SMIM21: variants seen among roughly 807,000 people sequenced by gnomAD.
SMIM21 encodes small integral membrane protein 21.
A neutral mutation model predicts 8.6 loss-of-function variants in SMIM21; 8 were observed. That is an observed-to-expected ratio of 0.93 (90% CI 0.55 to 1.68). The LOEUF (loss-of-function observed/expected upper bound fraction) is 1.68, where lower values mean the gene tolerates loss of function less well. Ranked by LOEUF, SMIM21 falls within the 40% of genes most tolerant of loss-of-function variation. The pLI, the probability that SMIM21 is intolerant of heterozygous loss-of-function variation, is 0.00. For missense variants in SMIM21, 132 were observed against 123.0 expected, an observed-to-expected ratio of 1.07 and a Z score of -0.35; for synonymous variants, 43 against 41.7, an observed-to-expected ratio of 1.03 and a Z score of -0.12.
At chr18:75,425,433 T>C (rs755331484) in intron 1 of SMIM21, among the ~76,000 whole-genome samples, 3 of 152,246 alleles carry the variant, frequency 2.0e-5, no homozygotes, top group Admixed American at 6.5e-5. Context: ...GAATTCCTTA[T>C]AGTTTCATGC....
intron 1 of SMIM21, 49 bp downstream of exon 1, chr18:75,427,386 C>T (rs766850832): frequency 6.3e-7 from 1 of 1,590,618 alleles, no homozygotes; most frequent in South Asian, 1.2e-5. Context: ...CATACCTGTG[C>T]AGTGATACGT....
At chr18:75,424,470 G>C (rs1414247044) in intron 1 of SMIM21, among the ~76,000 whole-genome samples, 2 of 152,172 alleles carry the variant, frequency 1.3e-5, no homozygotes, top group Non-Finnish European at 1.5e-5. Context: ...GCACTTGGGA[G>C]TTTCACACTA....
chr18:75,413,769 T>C (rs536528074), intron 2 of SMIM21, among the ~76,000 whole-genome samples: 183 of 152,318 alleles, frequency 1.2e-3, no homozygotes, highest in African/African-American at 4.1e-3. Context: ...CATCCTTGCT[T>C]GACTTAGGAT....
intron 2 of SMIM21, chr18:75,416,603 A>G (rs1015918802): frequency 5.9e-5 from 9 of 152,090 alleles, no homozygotes; most frequent in Non-Finnish European, 1.2e-4. Context: ...TTTGGATTTT[A>G]TTTTTACATT....
At chr18:75,422,581 G>A (rs190383177) in intron 1 of SMIM21, among the ~76,000 whole-genome samples, 17 of 152,274 alleles carry the variant, frequency 1.1e-4, no homozygotes, top group African/African-American at 3.4e-4. Flanking sequence ...ATCAAGTGAT[G>A]AATGGATATA....
At chr18:75,420,848 C>A (rs1410178797) in intron 1 of SMIM21, among the ~76,000 whole-genome samples, 1 of 152,144 alleles carries the variant, frequency 6.6e-6, no homozygotes, top group African/African-American at 2.4e-5. Flanking sequence ...GATCCTCGGG[C>A]CCTGTCTGGA....
At chr18:75,417,542 C>T (rs1386957751) in intron 2 of SMIM21, 4 of 152,140 alleles carry the variant, frequency 2.6e-5, no homozygotes, top group Admixed American at 2.6e-4. Flanking sequence ...AATAAACTCC[C>T]TATAGTAAGC....
chr18:75,424,647 C>G (rs2024742975), intron 1 of SMIM21, among the ~76,000 whole-genome samples: 1 of 152,192 alleles, frequency 6.6e-6, no homozygotes, highest in African/African-American at 2.4e-5. Flanking sequence ...ATCATTGTGA[C>G]AAGGGATGAA....
At chr18:75,426,564 C>A (rs990761103) in intron 1 of SMIM21, among the ~76,000 whole-genome samples, 1 of 149,114 alleles carries the variant, frequency 6.7e-6, no homozygotes, top group Admixed American at 6.7e-5. Flanking sequence ...TCGCCTCGGC[C>A]TCCCAAAGTG....
intron 1 of SMIM21, among the ~76,000 whole-genome samples, chr18:75,420,976 G>A (rs889604266): frequency 1.3e-5 from 2 of 152,124 alleles, no homozygotes; most frequent in African/African-American, 2.4e-5. Flanking sequence ...CATTCTTAAC[G>A]GGAATCCTAA....
chr18:75,418,024 T>G, intron 2 of SMIM21: 1 of 392,844 alleles, frequency 2.5e-6, no homozygotes. Flanking sequence ...GTGAGGACTG[T>G]GAACATCTCC....
intron 1 of SMIM21, 92 bp downstream of exon 1, chr18:75,427,343 A>G (rs1385576133): frequency 1.5e-6 from 2 of 1,359,844 alleles, no homozygotes; most frequent in African/African-American, 2.9e-5. Context: ...GAGCACTCAC[A>G]GGAGATTGGG....
intron 2 of SMIM21, among the ~76,000 whole-genome samples, chr18:75,414,334 C>T (rs765092035): frequency 3.3e-5 from 5 of 152,140 alleles, no homozygotes; most frequent in Non-Finnish European, 7.3e-5. Flanking sequence ...TTATTGTGCA[C>T]TTACTACATG....
rs1045757382 is a variant in SMIM21, at chr18:75,409,842, T to A, written c.*1022A>T. ...TGGATTTGCCCTTTGGTCGTCAGGC[T>A]GCACTGTGAGTTCTGAATCCCTGGC... On this transcript the variant is annotated 3_prime_UTR_variant, in exon 3 of 3. Coordinates refer to ENST00000579022, the MANE Select transcript of SMIM21 (RefSeq NM_001037331.3). 29 of 152,636 alleles carry A rather than the reference T, an allele frequency of 1.9e-4. No homozygotes were observed. Among genetic ancestry groups the A allele is most frequent in the African/African-American group, 7.0e-4 (29 of 41,588 alleles). The allele number at this position is 152,636 out of a possible 1,614,324, so 9.5% of individuals were successfully genotyped here. A position where few individuals can be genotyped will look rare whatever the true frequency, so the allele number is the denominator to read the frequency against.
intron 1 of SMIM21, among the ~76,000 whole-genome samples, chr18:75,423,260 C>T (rs2024728459): frequency 6.6e-6 from 1 of 152,170 alleles, no homozygotes; most frequent in African/African-American, 2.4e-5. Context: ...CCTTGCACCT[C>T]TGCAATCTCA....
intron 2 of SMIM21, among the ~76,000 whole-genome samples, chr18:75,415,019 C>T (rs888310236): frequency 2.0e-5 from 3 of 152,202 alleles, no homozygotes; most frequent in African/African-American, 7.2e-5. Flanking sequence ...TCAAGATTCC[C>T]TGGGACTTTC....
intron 2 of SMIM21, chr18:75,418,084 G>T (rs770444690): frequency 1.8e-5 from 7 of 397,390 alleles, no homozygotes; most frequent in Non-Finnish European, 3.1e-5. Context: ...TCTGAAACTT[G>T]GCTGCTCATG....
At chr18:75,414,468 A>C (rs1276323406) in intron 2 of SMIM21, among the ~76,000 whole-genome samples, 1 of 152,148 alleles carries the variant, frequency 6.6e-6, no homozygotes, top group East Asian at 1.9e-4. Flanking sequence ...CCCACTCCAC[A>C]TATCAGAGGA....
chr18:75,427,459 C>A lies in SMIM21; in HGVS notation c.105G>T (p.Leu35Phe), dbSNP rs745449933. ...CTGTGGTAAGTGCTTTCTTCTGCAGCAAATTCCCCTTGAATATCCGTCCCA... is the reference window on the plus strand; with the variant it reads ...CTGTGGTAAGTGCTTTCTTCTGCAGAAAATTCCCCTTGAATATCCGTCCCA... ...AGMGRIFKGN[L>F]LQKKALTTFE... The change falls in exon 1 of 3, where the codon TTG (leucine) becomes TTT (phenylalanine). Residue 35 changes from leucine to phenylalanine, a missense_variant. By Grantham distance (22) the Leu-to-Phe change is conservative. Coordinates refer to ENST00000579022, the MANE Select transcript of SMIM21 (RefSeq NM_001037331.3). The A allele has an allele frequency of 1.9e-6, 3 of 1,614,070 alleles. No homozygotes were observed. The South Asian group carries it at 3.3e-5, about 18-fold the overall frequency.
Sources: allele counts gnomAD v4.1 joint callset (sites outside exome capture counted in the v4.1 genomes callset), GRCh38; gene constraint gnomAD v4.1.1; transcripts MANE v1.5; gene names NCBI Gene and HGNC (gene_info 2026-07-23, HGNC 2026-07-21).